MPDZ: variants seen among roughly 807,000 people sequenced by gnomAD.
MPDZ encodes multiple PDZ domain crumbs cell polarity complex component.
MPDZ carries 234 observed loss-of-function variants against 239.1 expected under a neutral mutation model. That is an observed-to-expected ratio of 0.98 (90% CI 0.88 to 1.09). The LOEUF is 1.09. Ranked by LOEUF, MPDZ falls within the 50% of genes least tolerant of loss-of-function variation. MPDZ has a pLI of 0.00. For synonymous variants in MPDZ, 1,048 were observed against 881.3 expected, an observed-to-expected ratio of 1.19 and a Z score of -3.35; for missense variants, 3,175 against 2,510.0, an observed-to-expected ratio of 1.26 and a Z score of -5.66.
chr9:13,139,116 C>G (rs921988993), intron 28 of MPDZ, among the ~76,000 whole-genome samples: 1 of 152,160 alleles, frequency 6.6e-6, no homozygotes, highest in Admixed American at 6.5e-5. Context: ...TATTATATGG[C>G]TAATGGGCCA....
At chr9:13,191,127 T>C (rs1954858748) in intron 15 of MPDZ, among the ~76,000 whole-genome samples, 4 of 152,118 alleles carry the variant, frequency 2.6e-5, no homozygotes. Flanking sequence ...TGACACCCAT[T>C]TGCTTTATTG....
At chr9:13,206,636 C>CA (rs1180524349) in intron 10 of MPDZ, among the ~76,000 whole-genome samples, 1 of 151,924 alleles carries the variant, frequency 6.6e-6, no homozygotes, top group East Asian at 1.9e-4. Flanking sequence ...CTCCACCTCC[C>CA]AGGTGCAAGT....
chr9:13,155,365 A>G (rs898696649), intron 24 of MPDZ, among the ~76,000 whole-genome samples: 2 of 152,174 alleles, frequency 1.3e-5, no homozygotes, highest in Non-Finnish European at 2.9e-5. Context: ...AAGTATAAAG[A>G]AATAAATATA....
Position 13,162,705 on chromosome 9 carries a change from A to C in MPDZ, c.3345T>G (p.Ser1115=). 3.7e-6 allele frequency: 6 copies of C among 1,607,864 alleles called. No homozygotes were observed. The highest frequency in any genetic ancestry group is 5.1e-6 in the Non-Finnish European group (6 of 1,175,842). ...GTTTCACTTACCTGCCAGTGTATGA[A>C]GAAAAAATATCCAGTGCCATTACTC... is the stretch of plus-strand genomic sequence containing the variant. ...SGRVMALDIF[S]SYTGRDIPEL... is the part of the protein sequence containing the mutation. The change falls in exon 23 of 47, where the codon TCT becomes TCG. Residue 1115 remains serine, a synonymous_variant. Transcript: ENST00000319217.
rs1257330037 is a variant in MPDZ, at chr9:13,109,940, G to A, written c.5942+12C>T. ...TGAAAAATGATACACTAATCATCAT[G>A]TATGAACTCACCCTAAATCATCCTG... On this transcript the variant is annotated intron_variant, in intron 45 of 46. Coordinates refer to ENST00000319217, the MANE Select transcript of MPDZ (RefSeq NM_001378778.1). 1.3e-6 allele frequency: 2 copies of A among 1,596,302 alleles called. No individual in the cohort carries two copies. Among genetic ancestry groups the A allele is most frequent in the African/African-American group, 2.7e-5 (2 of 74,594 alleles).
intron 13 of MPDZ, among the ~76,000 whole-genome samples, chr9:13,194,152 G>A (rs538982241): frequency 3.3e-5 from 5 of 152,032 alleles, no homozygotes; most frequent in South Asian, 2.1e-4. Context: ...ATGCTGTATC[G>A]CTACATAGCA....
chr9:13,202,607 A>C (rs1268076627), intron 12 of MPDZ, among the ~76,000 whole-genome samples: 1 of 152,076 alleles, frequency 6.6e-6, no homozygotes, highest in African/African-American at 2.4e-5. Flanking sequence ...CCCTCCTGGA[A>C]CTCCCAGTGG....
chr9:13,116,786 T>A (rs747599977), intron 39 of MPDZ, among the ~76,000 whole-genome samples: 1 of 152,116 alleles, frequency 6.6e-6, no homozygotes, highest in African/African-American at 2.4e-5. Flanking sequence ...ATTTTGGAAA[T>A]AAAATGAAAA....
At chr9:13,260,909 T>C (rs540390042) in intron 1 of MPDZ, among the ~76,000 whole-genome samples, 1 of 152,298 alleles carries the variant, frequency 6.6e-6, no homozygotes, top group East Asian at 1.9e-4. Flanking sequence ...AATACAGAAT[T>C]CAACCATTCC....
At chr9:13,247,499 T>C in intron 3 of MPDZ, 136 bp downstream of exon 3, 1 of 859,928 alleles carries the variant, frequency 1.2e-6, no homozygotes. Context: ...TGAATCTGAA[T>C]GTCTCATTTG....
intron 35 of MPDZ, 53 bp from the exon 36 acceptor site, chr9:13,123,351 T>A: frequency 8.2e-6 from 12 of 1,471,396 alleles, no homozygotes. Context: ...CTAAGGCATA[T>A]CCATCAAACT....
At chr9:13,255,608 G>A (rs769286190) in intron 1 of MPDZ, among the ~76,000 whole-genome samples, 2 of 152,206 alleles carry the variant, frequency 1.3e-5, no homozygotes, top group Non-Finnish European at 2.9e-5. Context: ...CATCTCTCTT[G>A]ATGAAACTCT....
At chr9:13,136,330 T>TC in intron 30 of MPDZ, 148 bp from the exon 31 acceptor site, 2 of 435,470 alleles carry the variant, frequency 4.6e-6, no homozygotes, top group Non-Finnish European at 7.7e-6. Context: ...GTTTTCTTTT[T>TC]TTTTTTTTTT....
At chr9:13,250,886 C>A (rs1485262548) in intron 1 of MPDZ, among the ~76,000 whole-genome samples, 1 of 151,904 alleles carries the variant, frequency 6.6e-6, no homozygotes, top group African/African-American at 2.4e-5. Flanking sequence ...CCCAGCACTT[C>A]GGGAAGCCAA....
In MPDZ at chr9:13,183,408, T is replaced by G. The variant is rs762073182; in HGVS notation, c.2649+10A>C. ...TTCCTATAAAAGAAAAATTGGCTTT[T>G]CCTTTGTACCTTAGGAGGAGATGAT... On this transcript the variant is annotated intron_variant, in intron 19 of 46. Transcript: ENST00000319217. 1.4e-5 allele frequency: 22 copies of G among 1,581,056 alleles called. No homozygotes were observed. In the African/African-American group the frequency reaches 2.9e-4, roughly 21 times the overall value.
At chr9:13,144,350 T>TA (rs1180036278) in intron 26 of MPDZ, among the ~76,000 whole-genome samples, 6 of 152,146 alleles carry the variant, frequency 3.9e-5, no homozygotes, top group Middle Eastern at 6.8e-3. Flanking sequence ...GCCAGACTGT[T>TA]AGAGTTGAAA....
intron 10 of MPDZ, among the ~76,000 whole-genome samples, chr9:13,208,686 A>G (rs893305913): frequency 1.3e-5 from 2 of 149,600 alleles, no homozygotes; most frequent in African/African-American, 4.9e-5. Context: ...TATAATATAT[A>G]TAACAACAAT....
intron 1 of MPDZ, among the ~76,000 whole-genome samples, chr9:13,270,373 A>G (rs1972697811): frequency 6.6e-6 from 1 of 152,168 alleles, no homozygotes; most frequent in Non-Finnish European, 1.5e-5. Flanking sequence ...TAACAGAATG[A>G]AGACATCTTA....
chr9:13,124,287 T>C (rs1944799882), intron 35 of MPDZ, among the ~76,000 whole-genome samples: 1 of 152,230 alleles, frequency 6.6e-6, no homozygotes, highest in African/African-American at 2.4e-5. Flanking sequence ...TAAAATCTTT[T>C]AACACTTCAG....
Sources: gnomAD v4.1 joint callset for allele counts (sites outside exome capture counted in the v4.1 genomes callset) on GRCh38, gnomAD v4.1.1 for gene constraint, MANE v1.5 for transcripts, NCBI Gene and HGNC (gene_info 2026-07-23, HGNC 2026-07-21) for gene names.